Variants in EEPD1 observed in about 807,000 individuals in gnomAD.
EEPD1 encodes endonuclease/exonuclease/phosphatase family domain containing 1, also known as endonuclease/exonuclease/phosphatase family domain-containing protein 1.
EEPD1 carries 17 observed loss-of-function variants against 46.3 expected under a neutral mutation model. The ratio of observed to expected loss-of-function variants is 0.37; its 90% CI spans 0.25 to 0.55. EEPD1 has a LOEUF of 0.55. EEPD1 is among the 20% of genes least tolerant of loss of function. The pLI is 0.83. For missense variants in EEPD1, 673 were observed against 745.6 expected, an observed-to-expected ratio of 0.90 and a Z score of 1.13; for synonymous variants, 313 against 315.6, an observed-to-expected ratio of 0.99 and a Z score of 0.09.
At chr7:36,239,116 C>CTGGTGA in intron 3 of EEPD1, 80 bp downstream of exon 3, 1 of 1,332,536 alleles carries the variant, frequency 7.5e-7, no homozygotes, top group Non-Finnish European at 1.1e-6. Context: ...CTCCCTGTCA[C>CTGGTGA]CAGAGACAGC....
At chr7:36,253,798 T>C (rs1040076592) in intron 3 of EEPD1, among the ~76,000 whole-genome samples, 1 of 152,202 alleles carries the variant, frequency 6.6e-6, no homozygotes, top group Non-Finnish European at 1.5e-5. Flanking sequence ...TTCCATCCTA[T>C]TACATTCAGT....
At chr7:36,165,586 A>AATTTATTTATTT (rs57475263) in intron 2 of EEPD1, among the ~76,000 whole-genome samples, 7,098 of 134,582 alleles carry the variant, frequency 0.053, 199 homozygotes, top group Non-Finnish European at 0.061. Flanking sequence ...CGCCCCAGCT[A>AATTTATTTATTT]ATTTATTTAT....
At chr7:36,227,210 C>T (rs2115757452) in intron 2 of EEPD1, among the ~76,000 whole-genome samples, 1 of 152,254 alleles carries the variant, frequency 6.6e-6, no homozygotes, top group East Asian at 1.9e-4. Context: ...GTAATTGATT[C>T]AAGCAGTTGA....
At chr7:36,235,577 C>G (rs1269096356) in intron 2 of EEPD1, among the ~76,000 whole-genome samples, 3 of 152,230 alleles carry the variant, frequency 2.0e-5, no homozygotes, top group Admixed American at 6.5e-5. Flanking sequence ...TCTGGACTGG[C>G]TGTGAGTGCC....
intron 3 of EEPD1, among the ~76,000 whole-genome samples, chr7:36,273,277 G>C (rs537640479): frequency 6.6e-6 from 1 of 152,096 alleles, no homozygotes; most frequent in Non-Finnish European, 1.5e-5. Flanking sequence ...AACCTCCCAG[G>C]GTTGTTATGA....
chr7:36,296,074 A>G (rs1784620167), intron 6 of EEPD1, among the ~76,000 whole-genome samples: 1 of 149,786 alleles, frequency 6.7e-6, no homozygotes, highest in South Asian at 2.1e-4. Context: ...TCACTTCAGC[A>G]TTATTTATAG....
chr7:36,294,023 A>G (rs905393780), intron 6 of EEPD1, among the ~76,000 whole-genome samples: 14 of 152,120 alleles, frequency 9.2e-5, no homozygotes, highest in African/African-American at 3.4e-4. Flanking sequence ...GGATGTACTG[A>G]TAAGAAAAAA....
intron 2 of EEPD1, among the ~76,000 whole-genome samples, chr7:36,219,365 A>G (rs1786091210): frequency 6.6e-6 from 1 of 151,978 alleles, no homozygotes; most frequent in Non-Finnish European, 1.5e-5. Flanking sequence ...TCTCCTATGA[A>G]TTCCAAAATA....
At chr7:36,296,412 A>G (rs185077905) in intron 6 of EEPD1, among the ~76,000 whole-genome samples, 9 of 152,282 alleles carry the variant, frequency 5.9e-5, no homozygotes, top group Admixed American at 2.0e-4. Flanking sequence ...CTGGCCTTGC[A>G]TAGGTTCCCT....
intron 2 of EEPD1, among the ~76,000 whole-genome samples, chr7:36,166,605 C>G (rs993071497): frequency 6.6e-6 from 1 of 152,150 alleles, no homozygotes; most frequent in East Asian, 1.9e-4. Context: ...ATTGGTCAAC[C>G]TAGGCAAGAT....
intron 2 of EEPD1, among the ~76,000 whole-genome samples, chr7:36,202,071 T>C (rs1379294181): frequency 6.6e-6 from 1 of 152,220 alleles, no homozygotes; most frequent in Non-Finnish European, 1.5e-5. Context: ...GGGTGGTTCA[T>C]GATTCAAGCT....
chr7:36,218,498 T>C (rs1441967188), intron 2 of EEPD1, among the ~76,000 whole-genome samples: 1 of 152,202 alleles, frequency 6.6e-6, no homozygotes, highest in Non-Finnish European at 1.5e-5. Flanking sequence ...ACCCTTCTTC[T>C]TGTGCTGATG....
intron 2 of EEPD1, among the ~76,000 whole-genome samples, chr7:36,181,265 G>A (rs774659884): frequency 4.7e-5 from 7 of 147,712 alleles, no homozygotes; most frequent in Admixed American, 6.7e-5. Flanking sequence ...TTCCCCTCAC[G>A]TGCCTCTGTT....
chr7:36,280,976 A>T (rs1177455217), intron 3 of EEPD1, 139 bp from the exon 4 acceptor site: 9 of 627,690 alleles, frequency 1.4e-5, no homozygotes. Context: ...TAGTGTTTGA[A>T]AAACAGGGAT....
rs1046931779 is a variant in EEPD1, at chr7:36,193,881, A to G, written c.878+38679A>G. Among the ~76,000 whole-genome samples, 1 of 152,128 alleles carries G rather than the reference A, an allele frequency of 6.6e-6. No homozygotes were observed. Among genetic ancestry groups the G allele is most frequent in the African/African-American group, 2.4e-5 (1 of 41,418 alleles). On this transcript the variant is annotated intron_variant, in intron 2 of 7. Coordinates refer to ENST00000242108, the MANE Select transcript of EEPD1 (RefSeq NM_030636.3). The surrounding 1 kb of genome is among the most constrained non-coding windows in gnomAD (Gnocchi z 4.9). ...GACACCATTCTGTGGGAGAGATGAC[A>G]GTAAAATTAGGCTGTGGACATAATG...
chr7:36,293,656 A>G (rs1787481804), intron 6 of EEPD1, among the ~76,000 whole-genome samples: 2 of 152,236 alleles, frequency 1.3e-5, no homozygotes, highest in Admixed American at 6.5e-5. Context: ...CCCCCACCCC[A>G]TACATTTTAA....
intron 3 of EEPD1, among the ~76,000 whole-genome samples, chr7:36,258,477 A>G (rs1786861317): frequency 1.3e-5 from 2 of 152,226 alleles, no homozygotes; most frequent in African/African-American, 2.4e-5. Flanking sequence ...AGTTTTATCT[A>G]TAAGCCACTG....
intron 6 of EEPD1, among the ~76,000 whole-genome samples, chr7:36,289,993 A>G (rs1787403730): frequency 6.6e-6 from 1 of 152,238 alleles, no homozygotes; most frequent in Admixed American, 6.5e-5. Flanking sequence ...TTCTACTTTA[A>G]GGATGAGTCC....
chr7:36,244,767 A>ATTTT (rs140539379), intron 3 of EEPD1, among the ~76,000 whole-genome samples: 2 of 108,404 alleles, frequency 1.8e-5, no homozygotes, highest in Non-Finnish European at 3.7e-5. Context: ...TTCAGAGTTG[A>ATTTT]TTTTTTTTTT....
Sources: gnomAD v4.1 joint callset for allele counts (sites outside exome capture counted in the v4.1 genomes callset) on GRCh38, gnomAD v4.1.1 for gene constraint, Gnocchi (gnomAD v3.1) non-coding constraint, MANE v1.5 for transcripts, NCBI Gene and HGNC (gene_info 2026-07-23, HGNC 2026-07-21) for gene names.